SCN7A: variants seen among roughly 807,000 people sequenced by gnomAD.
SCN7A encodes the protein sodium channel protein type 7 subunit alpha.
A neutral mutation model predicts 155.2 loss-of-function variants in SCN7A; 138 were observed. The observed-to-expected ratio is 0.89, with a 90% CI of 0.77 to 1.02. The LOEUF (loss-of-function observed/expected upper bound fraction) is 1.02. SCN7A is among the 50% of genes least tolerant of loss of function. The probability of loss-of-function intolerance (pLI) is 0.00; values close to 1 mark genes in which losing one functional copy is unlikely to be tolerated. For synonymous variants in SCN7A, 693 were observed against 649.0 expected, an observed-to-expected ratio of 1.07 and a Z score of -1.03; for missense variants, 2,058 against 1,986.6, an observed-to-expected ratio of 1.04 and a Z score of -0.68.
chr2:166,432,262 C>T, intron 16 of SCN7A, 56 bp downstream of exon 16: 1 of 1,406,858 alleles, frequency 7.1e-7, no homozygotes. Flanking sequence ...GATTTACTTC[C>T]TTATCAACAA....
At chr2:166,461,048 C>CTTTTTTTTTTTTTTTT (rs34717897) in intron 10 of SCN7A, among the ~76,000 whole-genome samples, 1 of 96,706 alleles carries the variant, frequency 1.0e-5, no homozygotes. Flanking sequence ...GTAATATTTT[C>CTTTTTTTTTTTTTTTT]TTTTTTTTTT....
In SCN7A at chr2:166,406,568, A is replaced by G. The variant is rs1388397185; in HGVS notation, c.4061T>C (p.Ile1354Thr). ...LVQLILLSRIIHMLRLGKGPK... is the reference protein window; with the variant it reads ...LVQLILLSRITHMLRLGKGPK... The stretch of plus-strand genomic sequence containing the variant: ...TCCTTTTCCAAGACGCAGCATGTGA[A>G]TGATCCGTGAGAGAAGTATCAGTTG... Residue 1354 changes from isoleucine to threonine, a missense_variant, in exon 26 of 26, where the codon ATT becomes ACT. Ile to Thr is a moderately conservative substitution (Grantham distance 89). Transcript: ENST00000643258. 1.2e-6 allele frequency: 2 copies of G among 1,612,816 alleles called. No homozygotes were observed. Among genetic ancestry groups the G allele is most frequent in the South Asian group, 1.1e-5 (1 of 91,048 alleles).
In SCN7A at chr2:166,456,885, T is replaced by C. The variant is rs1559114406; in HGVS notation, c.1275A>G (p.Gly425=). Residue 425 remains glycine, a synonymous_variant, in exon 11 of 26, where the codon GGA becomes GGG. Coordinates refer to ENST00000643258, the MANE Select transcript of SCN7A (RefSeq NM_002976.4). The part of the protein sequence containing the change: ...FQQTGKELQE[G]NETDEAKTIQ... ...ATATAGATACCTCATCTGTTTCATT[T>C]CCTTCTTGAAGTTCTTTTCCAGTCT... 1 of 1,539,352 alleles carries C rather than the reference T, an allele frequency of 6.5e-7. No individual in the cohort carries two copies. Among genetic ancestry groups the C allele is most frequent in the Non-Finnish European group, 8.8e-7 (1 of 1,137,080 alleles).
In SCN7A at chr2:166,443,597, C is replaced by T; in HGVS notation, c.1706G>A (p.Trp569Ter). Residue 569 changes from tryptophan (W) to a stop codon, truncating the protein, a stop_gained, in exon 14 of 26, where the codon TGG becomes TAG. Coordinates refer to ENST00000643258, the MANE Select transcript of SCN7A (RefSeq NM_002976.4). LOFTEE classifies it high-confidence loss of function. The part of the protein sequence containing the change: ...MHPYGYFQVG[W>*]NIFDSMIVFH... The stretch of plus-strand genomic sequence containing the variant: ...CACTATCATGCTATCAAAAATGTTC[C>T]AACCTACTTGGAAATACCCATATGG... 6.3e-7 allele frequency: 1 copy of T among 1,581,052 alleles called. No homozygotes were observed. Among genetic ancestry groups the T allele is most frequent in the Non-Finnish European group, 8.6e-7 (1 of 1,162,534 alleles).
At chr2:166,471,808 T>A (rs1702664513) in intron 6 of SCN7A, among the ~76,000 whole-genome samples, 1 of 151,658 alleles carries the variant, frequency 6.6e-6, no homozygotes, top group Admixed American at 6.6e-5. Context: ...ACATGCAACG[T>A]AGATTGGGAA....
chr2:166,409,251 C>T (rs1701143977), intron 25 of SCN7A, among the ~76,000 whole-genome samples: 1 of 151,852 alleles, frequency 6.6e-6, no homozygotes, highest in African/African-American at 2.4e-5. Flanking sequence ...GCCTGAAACT[C>T]TAATGTTGTA....
Position 166,456,996 on chromosome 2 carries a change from C to A in SCN7A, c.1164G>T (p.Leu388Phe), listed in dbSNP as rs1264276953. Reference protein sequence around the residue: ...SFLFSFYMASLFLGILAMAYE... With the variant: ...SFLFSFYMASFFLGILAMAYE... Reference sequence around the variant, plus strand: ...AGGCCATGGCAAGTATGCCTAAGAACAAACTTGCCATATAAAAGGAAAACA... The same window carrying A: ...AGGCCATGGCAAGTATGCCTAAGAAAAAACTTGCCATATAAAAGGAAAACA... Residue 388 changes from leucine to phenylalanine, a missense_variant, in exon 11 of 26, where the codon TTG becomes TTT. Coordinates refer to ENST00000643258, the MANE Select transcript of SCN7A (RefSeq NM_002976.4). 7 of 1,610,288 alleles carry A rather than the reference C, an allele frequency of 4.3e-6. No individual in the cohort carries two copies. The highest frequency in any genetic ancestry group is 5.9e-6 in the Non-Finnish European group (7 of 1,178,536).
At chr2:166,490,714 C>G (rs543941887) in intron 1 of SCN7A, among the ~76,000 whole-genome samples, 1 of 152,252 alleles carries the variant, frequency 6.6e-6, no homozygotes, top group Admixed American at 6.5e-5. Flanking sequence ...TTTACTGAAA[C>G]CCTGGAGGCT....
In SCN7A at chr2:166,403,606, A is replaced by G. The variant is rs1006971671; in HGVS notation, c.*1974T>C. ...ACAGGTTATATTTATTATTTTCTAT[A>G]GTATCTAAAAAGTAACATATATTGT... On this transcript the variant is annotated 3_prime_UTR_variant, in exon 26 of 26. Transcript: ENST00000643258. 2.0e-5 allele frequency: 3 copies of G among 152,080 alleles called. No homozygotes were observed. The highest frequency in any genetic ancestry group is 1.3e-4 in the Admixed American group (2 of 15,226). The allele number at this position is 152,080 out of a possible 1,614,324, so 9.4% of individuals were successfully genotyped here. A position where few individuals can be genotyped will look rare whatever the true frequency, so the allele number is the denominator to read the frequency against.
In SCN7A at chr2:166,424,256, T is replaced by C. The variant is rs1701574112; in HGVS notation, c.2854-824A>G. On this transcript the variant is annotated intron_variant, in intron 18 of 25. Transcript: ENST00000643258. ...TTCTTAAAAATTTTATTTTGTTACA[T>C]GTATTTATTTTTCAATTATTCAGGT... Among the ~76,000 whole-genome samples, 2 of 152,122 alleles carry C rather than the reference T, an allele frequency of 1.3e-5. 1 individual carries two copies. The highest frequency in any genetic ancestry group is 4.1e-4 in the South Asian group (2 of 4,830).
At chr2:166,466,076 A>C in intron 7 of SCN7A, 89 bp from the exon 8 acceptor site, 1 of 814,510 alleles carries the variant, frequency 1.2e-6, no homozygotes, top group Non-Finnish European at 1.9e-6. Context: ...TGCATACTCC[A>C]TTGAAATCAA....
chr2:166,461,057 T>TC (rs1263494854), intron 10 of SCN7A, among the ~76,000 whole-genome samples: 19 of 148,826 alleles, frequency 1.3e-4, no homozygotes, highest in African/African-American at 4.4e-4. Flanking sequence ...TCTTTTTTTT[T>TC]TTTTTTTTTT....
intron 11 of SCN7A, among the ~76,000 whole-genome samples, chr2:166,450,711 T>C (rs904026152): frequency 2.6e-5 from 4 of 152,072 alleles, no homozygotes; most frequent in African/African-American, 9.7e-5. Flanking sequence ...GGAGAGTTGC[T>C]TGAACCTGGG....
chr2:166,413,934 G>GT (rs1337716263), intron 21 of SCN7A, among the ~76,000 whole-genome samples: 1 of 122,852 alleles, frequency 8.1e-6, no homozygotes, highest in African/African-American at 3.2e-5. Context: ...CATTGATCAT[G>GT]TAAGTTAATA....
At chr2:166,475,665 C>T (rs771853554) in intron 3 of SCN7A, among the ~76,000 whole-genome samples, 6 of 151,896 alleles carry the variant, frequency 4.0e-5, no homozygotes, top group Non-Finnish European at 8.8e-5. Flanking sequence ...TCAAACTTCA[C>T]ACAAGATGTA....
chr2:166,479,715 T>C (rs1374805029), intron 2 of SCN7A, among the ~76,000 whole-genome samples: 4 of 152,052 alleles, frequency 2.6e-5, no homozygotes, highest in African/African-American at 7.3e-5. Flanking sequence ...ATACTTTGAC[T>C]GAGCCCAGCC....
At position 166,405,637 on chromosome 2, in the gene SCN7A, T is replaced by A. The variant is rs752293778; in HGVS notation, c.4992A>T (p.Lys1664Asn). The A allele has an allele frequency of 6.2e-7, 1 of 1,611,138 alleles. No homozygotes were observed. Among genetic ancestry groups the A allele is most frequent in the Non-Finnish European group, 8.5e-7 (1 of 1,178,604 alleles). ...TAGCTTTGTCAAAATAGGCACCTTC[T>A]TTAGTAGCATGAACATCTCTGTCAC... Reference protein sequence around the residue: ...IDGDRDVHATKEGAYFDKAKE... With the variant: ...IDGDRDVHATNEGAYFDKAKE... The change falls in exon 26 of 26, where the codon AAA (lysine) becomes AAT (asparagine). Residue 1664 changes from lysine (K) to asparagine (N), a missense_variant. Lys to Asn is a moderately conservative substitution (Grantham distance 94). Coordinates refer to ENST00000643258, the MANE Select transcript of SCN7A (RefSeq NM_002976.4).
In SCN7A at chr2:166,409,777, A is replaced by G. The variant is rs1261272456; in HGVS notation, c.3870T>C (p.Phe1290=). 2 of 1,567,784 alleles carry G rather than the reference A, an allele frequency of 1.3e-6. No individual in the cohort carries two copies. The highest frequency in any genetic ancestry group is 1.7e-6 in the Non-Finnish European group (2 of 1,154,170). The part of the protein sequence containing the change: ...SIALYWINSI[F]VMLYTMECIL... ...TACATTCCATAGTATATAGCATAAC[A>G]AAAATTGAGTTAATCCAGTAGAGAG... Residue 1290 remains phenylalanine (F), a synonymous_variant, in exon 25 of 26, where the codon TTT becomes TTC. Coordinates refer to ENST00000643258, the MANE Select transcript of SCN7A (RefSeq NM_002976.4).
intron 9 of SCN7A, among the ~76,000 whole-genome samples, chr2:166,463,345 C>T (rs1178909621): frequency 1.3e-5 from 2 of 152,290 alleles, no homozygotes; most frequent in East Asian, 1.9e-4. Flanking sequence ...TTTTCTCTCA[C>T]ATTATTTTGG....
Sources: gnomAD v4.1 joint callset for allele counts (sites outside exome capture counted in the v4.1 genomes callset) on GRCh38, gnomAD v4.1.1 for gene constraint, MANE v1.5 for transcripts, NCBI Gene and HGNC (gene_info 2026-07-23, HGNC 2026-07-21) for gene names.